The following PLEKHG3 variants were observed in gnomAD, a reference collection of about 807,000 sequenced individuals.
PLEKHG3 encodes pleckstrin homology and RhoGEF domain containing G3.
PLEKHG3 carries 62 observed loss-of-function variants against 94.9 expected under a neutral mutation model. That is an observed-to-expected ratio of 0.65 (90% confidence interval 0.53 to 0.81). PLEKHG3 has a LOEUF of 0.81. Among genes scored for constraint, PLEKHG3 ranks in the 30% least tolerant of loss-of-function variants. The pLI, the probability that PLEKHG3 is intolerant of heterozygous loss-of-function variation, is 0.00. For synonymous variants in PLEKHG3, 614 were observed against 654.0 expected (o/e 0.94, Z 0.93); for missense variants, 1,461 against 1,619.3 (o/e 0.90, Z 1.68).
chr14:64,731,054 TTGA>T lies in PLEKHG3; in HGVS notation c.738_740del (p.Asp246del). ...TCTGCGCAGGAAATTGCCAAGCATT[TTGA>T]TGAAGAAGAGGATGGCTTTGAGGTG... On this transcript the variant is annotated inframe_deletion, in exon 7 of 17. Transcript: ENST00000247226. This position sits in a 1 kb window ranked among gnomAD's most constrained non-coding sequence, Gnocchi z 6.1. 2 of 1,614,014 alleles carry T rather than the reference TTGA, an allele frequency of 1.2e-6. No individual in the cohort carries two copies. The highest frequency in any genetic ancestry group is 1.7e-6 in the Non-Finnish European group (2 of 1,179,988).
Position 64,730,716 on chromosome 14 carries a change from A to G in PLEKHG3, c.566+28A>G, listed in dbSNP as rs1201117159. The G allele has an allele frequency of 6.2e-7, 1 of 1,613,012 alleles. No individual in the cohort carries two copies. Among genetic ancestry groups the G allele is most frequent in the Admixed American group, 1.7e-5 (1 of 60,014 alleles). On this transcript the variant is annotated intron_variant, in intron 5 of 16. Coordinates refer to ENST00000247226, the MANE Select transcript of PLEKHG3 (RefSeq NM_001308147.2). This position sits in a 1 kb window ranked among gnomAD's most constrained non-coding sequence, Gnocchi z 5.4. ...GAGTAATTGGGGTGAGAGGGAAGGCAGAGCCATTTGGTGAGTCCAGAGCCC... is the reference window on the plus strand; with the variant it reads ...GAGTAATTGGGGTGAGAGGGAAGGCGGAGCCATTTGGTGAGTCCAGAGCCC...
rs1289222017 is a variant in PLEKHG3 at position 64,725,216 on chromosome 14, GA to G, written c.-39-2376del. On this transcript the variant is annotated intron_variant, in intron 1 of 16. Transcript: ENST00000247226. The surrounding 1 kb of genome is among the most constrained non-coding windows in gnomAD (Gnocchi z 5.0). ...TGTGTTGGGGTAGGGGTGGGGCTGT[GA>G]GTAATCTTTTGCTTTAAGACTGTGA... Among the ~76,000 whole-genome samples the G allele has an allele frequency of 6.6e-6, 1 of 152,188 alleles. No homozygotes were observed. The highest frequency in any genetic ancestry group is 6.5e-5 in the Admixed American group (1 of 15,282).
At position 64,738,926 on chromosome 14, in the gene PLEKHG3, G is replaced by C. The variant is rs2081630594; in HGVS notation, c.1518+71G>C. 1 of 939,106 alleles carries C rather than the reference G, an allele frequency of 1.1e-6. No individual in the cohort carries two copies. 58.2% of individuals were successfully genotyped at this position (939,106 alleles called of 1,614,324 possible). On this transcript the variant is annotated intron_variant, in intron 15 of 16. Transcript: ENST00000247226. This position sits in a 1 kb window ranked among gnomAD's most constrained non-coding sequence, Gnocchi z 4.8. ...GTCCAGATTTTCAAGTCTGCAAATA[G>C]GGCTTTCAGGCACAGGCTCTCCCAC...
chr14:64,730,867 A>AGCTGCTACAGCACTC lies in PLEKHG3; in HGVS notation c.641_655dup (p.Leu214_Leu218dup). Reference sequence around the variant, plus strand: ...GCCAAGTTCTTTCGGGACCGGCAGGAGCTGCTACAGCACTCGCTGCCCTTG... The same window carrying AGCTGCTACAGCACTC: ...GCCAAGTTCTTTCGGGACCGGCAGGAGCTGCTACAGCACTCGCTGCTACAGCACTCGCTGCCCTTG... On this transcript the variant is annotated inframe_insertion, in exon 6 of 17. Coordinates refer to ENST00000247226, the MANE Select transcript of PLEKHG3 (RefSeq NM_001308147.2). The surrounding 1 kb of genome is among the most constrained non-coding windows in gnomAD (Gnocchi z 5.4). 1 of 1,612,998 alleles carries AGCTGCTACAGCACTC rather than the reference A, an allele frequency of 6.2e-7. No individual in the cohort carries two copies. The highest frequency in any genetic ancestry group is 8.5e-7 in the Non-Finnish European group (1 of 1,179,962).
At position 64,722,204 on chromosome 14, in the gene PLEKHG3, T is replaced by G. The variant is rs1304600531; in HGVS notation, c.-39-5389T>G. 6.6e-6 allele frequency among the ~76,000 whole-genome samples: 1 copy of G among 151,998 alleles called. No homozygotes were observed. Among genetic ancestry groups the G allele is most frequent in the Non-Finnish European group, 1.5e-5 (1 of 67,982 alleles). On this transcript the variant is annotated intron_variant, in intron 1 of 16. Coordinates refer to ENST00000247226, the MANE Select transcript of PLEKHG3 (RefSeq NM_001308147.2). The surrounding 1 kb of genome is among the most constrained non-coding windows in gnomAD (Gnocchi z 4.3). Reference sequence around the variant, plus strand: ...CCATCGCCGTTCCTGAGTGAGGACTTTCTTTCTTCCTTTCTTTTTTTGTTT... The same window carrying G: ...CCATCGCCGTTCCTGAGTGAGGACTGTCTTTCTTCCTTTCTTTTTTTGTTT...
rs2081682697 is a variant in PLEKHG3 at position 64,741,213 on chromosome 14, G to C, written c.1696G>C (p.Ala566Pro). Residue 566 changes from alanine to proline, a missense_variant, in exon 16 of 17, where the codon GCT (alanine) becomes CCT (proline). Coordinates refer to ENST00000247226, the MANE Select transcript of PLEKHG3 (RefSeq NM_001308147.2). ...PPGDMVDFVA[A>P]ESTEDLKALS... ...AGGTGACATGGTGGACTTCGTGGCA[G>C]CTGAGAGCACTGAGGACCTTAAGGC... The C allele has an allele frequency of 6.2e-7, 1 of 1,613,948 alleles. No homozygotes were observed. The highest frequency in any genetic ancestry group is 8.5e-7 in the Non-Finnish European group (1 of 1,179,994).
Position 64,743,801 on chromosome 14 carries a change from G to A in PLEKHG3, c.*98G>A. On this transcript the variant is annotated 3_prime_UTR_variant, in exon 17 of 17. Transcript: ENST00000247226. This position sits in a 1 kb window ranked among gnomAD's most constrained non-coding sequence, Gnocchi z 7.2. ...TGGGCTCATGGAGCCCCTGCCCAGG[G>A]CCCTCAGGTGGGCGGAAAGTCCATC... 9.7e-6 allele frequency: 13 copies of A among 1,341,256 alleles called. No individual in the cohort carries two copies. Among genetic ancestry groups the A allele is most frequent in the Non-Finnish European group, 1.3e-5 (13 of 1,009,062 alleles). The allele number at this position is 1,341,256 out of a possible 1,614,324, so 83.1% of individuals were successfully genotyped here. A position where few individuals can be genotyped will look rare whatever the true frequency, so the allele number is the denominator to read the frequency against.
intron 12 of PLEKHG3, among the ~76,000 whole-genome samples, chr14:64,734,336 G>T (rs1169941838): frequency 6.6e-6 from 1 of 151,750 alleles, no homozygotes; most frequent in Non-Finnish European, 1.5e-5. Flanking sequence ...TCCTCAACTT[G>T]CCATACCTTA....
At chr14:64,711,933 T>G (rs1469236767) in intron 1 of PLEKHG3, among the ~76,000 whole-genome samples, 1 of 152,240 alleles carries the variant, frequency 6.6e-6, no homozygotes, top group Non-Finnish European at 1.5e-5. Flanking sequence ...TCATAAAGAT[T>G]TACTCCTATC....
rs543424721 is a variant in PLEKHG3 at position 64,742,274 on chromosome 14, C to T, written c.2757C>T (p.Ser919=). 27 of 1,612,814 alleles carry T rather than the reference C, an allele frequency of 1.7e-5. No individual in the cohort carries two copies. The highest frequency in any genetic ancestry group is 2.7e-5 in the African/African-American group (2 of 74,912). ...QLSHVMDSHV[S]ERVKNKVYQL... ...CCCACGTAATGGACAGCCACGTGAGCGAGCGCGTCAAGAACAAGGTCTACC... is the reference window on the plus strand; with the variant it reads ...CCCACGTAATGGACAGCCACGTGAGTGAGCGCGTCAAGAACAAGGTCTACC... Residue 919 remains serine, a synonymous_variant, in exon 16 of 17, where the codon AGC becomes AGT. Transcript: ENST00000247226.
chr14:64,719,334 AT>A (rs1168150332), intron 1 of PLEKHG3, among the ~76,000 whole-genome samples: 1 of 150,348 alleles, frequency 6.7e-6, no homozygotes, highest in East Asian at 2.0e-4. Context: ...TTTATCCGTT[AT>A]CATCATCACC....
At position 64,718,460 on chromosome 14, in the gene PLEKHG3, A is replaced by G. The variant is rs936859400; in HGVS notation, c.-39-9133A>G. 5.9e-5 allele frequency among the ~76,000 whole-genome samples: 9 copies of G among 152,314 alleles called. No homozygotes were observed. In the East Asian group the frequency reaches 1.7e-3, roughly 29 times the overall value. ...GTCTTGTTTTGCCTTATAGCATATA[A>G]GCTCTGAAGAGTGGAGTCTGTGTGT... On this transcript the variant is annotated intron_variant, in intron 1 of 16. Coordinates refer to ENST00000247226, the MANE Select transcript of PLEKHG3 (RefSeq NM_001308147.2). This position sits in a 1 kb window ranked among gnomAD's most constrained non-coding sequence, Gnocchi z 5.0.
At position 64,749,212 on chromosome 14, in the gene PLEKHG3, G is replaced by T. The variant is rs955564434; in HGVS notation, c.*5509G>T. 5 of 1,460,690 alleles carry T rather than the reference G, an allele frequency of 3.4e-6. No homozygotes were observed. Among genetic ancestry groups the T allele is most frequent in the South Asian group, 1.2e-5 (1 of 82,068 alleles). The allele number at this position is 1,460,690 out of a possible 1,614,324, so 90.5% of individuals were successfully genotyped here. A position where few individuals can be genotyped will look rare whatever the true frequency, so the allele number is the denominator to read the frequency against. On this transcript the variant is annotated 3_prime_UTR_variant, in exon 17 of 17. Coordinates refer to ENST00000247226, the MANE Select transcript of PLEKHG3 (RefSeq NM_001308147.2). The surrounding 1 kb of genome is among the most constrained non-coding windows in gnomAD (Gnocchi z 4.7). Reference sequence around the variant, plus strand: ...CCCGGCCCGCGACTCGACTCATCTCGATTCGACCGGCGGGCGGCGGCGAGA... The same window carrying T: ...CCCGGCCCGCGACTCGACTCATCTCTATTCGACCGGCGGGCGGCGGCGAGA...
In PLEKHG3 at chr14:64,742,412, G is replaced by T. The variant is rs753354154; in HGVS notation, c.2895G>T (p.Val965=). ...AGAGGGATGGGAAGAGCCCCACTGT[G>T]CCCTGTCTACAGGAAGAGGCTGGAG... ...APERDGKSPT[V]PCLQEEAGEP... Residue 965 remains valine (V), a synonymous_variant, in exon 16 of 17, where the codon GTG becomes GTT. Transcript: ENST00000247226. 1 of 1,612,390 alleles carries T rather than the reference G, an allele frequency of 6.2e-7. No homozygotes were observed. Among genetic ancestry groups the T allele is most frequent in the African/African-American group, 1.3e-5 (1 of 74,954 alleles).
chr14:64,737,376 G>A lies in PLEKHG3; in HGVS notation c.1404+1G>A, dbSNP rs535466231. 6.3e-6 allele frequency: 10 copies of A among 1,594,216 alleles called. No individual in the cohort carries two copies. The South Asian group carries it at 1.1e-4, about 18-fold the overall frequency. On this transcript the variant is annotated splice_donor_variant, in intron 14 of 16. Coordinates refer to ENST00000247226, the MANE Select transcript of PLEKHG3 (RefSeq NM_001308147.2). LOFTEE classifies it high-confidence loss of function. ...TGCAGCCCGAGCAGCAGGAATGAAG[G>A]TAAAGGCCAGTGGGAGGAGGGGACT...
chr14:64,743,755 G>A lies in PLEKHG3; in HGVS notation c.*52G>A. The stretch of plus-strand genomic sequence containing the variant: ...CATGTTGGAGGTTGGGGAAGAACCT[G>A]GGCATCCTTCCCCTCAAGCCTGGGC... On this transcript the variant is annotated 3_prime_UTR_variant, in exon 17 of 17. Coordinates refer to ENST00000247226, the MANE Select transcript of PLEKHG3 (RefSeq NM_001308147.2). This position sits in a 1 kb window ranked among gnomAD's most constrained non-coding sequence, Gnocchi z 7.2. 6.7e-7 allele frequency: 1 copy of A among 1,496,098 alleles called. No homozygotes were observed. The highest frequency in any genetic ancestry group is 8.9e-7 in the Non-Finnish European group (1 of 1,127,906). The allele number at this position is 1,496,098 out of a possible 1,614,324, so 92.7% of individuals were successfully genotyped here. A position where few individuals can be genotyped will look rare whatever the true frequency, so the allele number is the denominator to read the frequency against.
In PLEKHG3 at chr14:64,731,852, G is replaced by C. The variant is rs1594693843; in HGVS notation, c.1125+46G>C. 2.2e-6 allele frequency: 3 copies of C among 1,377,116 alleles called. No homozygotes were observed. Among genetic ancestry groups the C allele is most frequent in the Middle Eastern group, 1.8e-4 (1 of 5,612 alleles). The allele number at this position is 1,377,116 out of a possible 1,614,324, so 85.3% of individuals were successfully genotyped here. On this transcript the variant is annotated intron_variant, in intron 9 of 16. Coordinates refer to ENST00000247226, the MANE Select transcript of PLEKHG3 (RefSeq NM_001308147.2). The surrounding 1 kb of genome is among the most constrained non-coding windows in gnomAD (Gnocchi z 6.1). ...AGGGGCTAGGGAACAAGATGCCCAGGGGACACCTGCGTGGGACTCCTGGCT... is the reference window on the plus strand; with the variant it reads ...AGGGGCTAGGGAACAAGATGCCCAGCGGACACCTGCGTGGGACTCCTGGCT...
At position 64,708,366 on chromosome 14, in the gene PLEKHG3, C is replaced by T. The variant is rs376111043; in HGVS notation, c.-40+3662C>T. On this transcript the variant is annotated intron_variant, in intron 1 of 16. Coordinates refer to ENST00000247226, the MANE Select transcript of PLEKHG3 (RefSeq NM_001308147.2). ...GGCTGTCCACCCCTCCCCCAGCCTCCGGCAGGTAAATTATGCCTGGAGGTC... is the reference window on the plus strand; with the variant it reads ...GGCTGTCCACCCCTCCCCCAGCCTCTGGCAGGTAAATTATGCCTGGAGGTC... 1.1e-3 allele frequency among the ~76,000 whole-genome samples: 175 copies of T among 152,204 alleles called. 4 individuals carry two copies. In the South Asian group the frequency reaches 0.035, roughly 31 times the overall value.
chr14:64,705,093 A>G (rs1448393710), intron 1 of PLEKHG3, among the ~76,000 whole-genome samples: 1 of 152,164 alleles, frequency 6.6e-6, no homozygotes, highest in Non-Finnish European at 1.5e-5. Context: ...CTTCTGCGCG[A>G]GGACCCGAGC....
Sources: gnomAD v4.1 joint callset for allele counts (sites outside exome capture counted in the v4.1 genomes callset) on GRCh38, gnomAD v4.1.1 for gene constraint, Gnocchi (gnomAD v3.1) non-coding constraint, MANE v1.5 for transcripts, NCBI Gene and HGNC (gene_info 2026-07-23, HGNC 2026-07-21) for gene names.